KIAA0513: variants seen among roughly 807,000 people sequenced by gnomAD.
KIAA0513 encodes KIAA0513, also known as uncharacterized protein KIAA0513.
KIAA0513 carries 39 observed loss-of-function variants against 56.5 expected under a neutral mutation model. The observed-to-expected ratio is 0.69, with a 90% CI of 0.53 to 0.90. The LOEUF (loss-of-function observed/expected upper bound fraction) is 0.90. Ranked by LOEUF, KIAA0513 falls within the 40% of genes least tolerant of loss-of-function variation. KIAA0513 has a pLI of 0.00. For missense variants in KIAA0513, 591 were observed against 535.2 expected, an observed-to-expected ratio of 1.10 and a Z score of -1.03; for synonymous variants, 268 against 215.6, an observed-to-expected ratio of 1.24 and a Z score of -2.13.
Position 85,081,286 on chromosome 16 carries a change from G to C in KIAA0513, c.903-29G>C. 1 of 1,610,180 alleles carries C rather than the reference G, an allele frequency of 6.2e-7. No individual in the cohort carries two copies. The highest frequency in any genetic ancestry group is 8.5e-7 in the Non-Finnish European group (1 of 1,176,808). The stretch of plus-strand genomic sequence containing the variant: ...CGTGTCCTCCCCGCCTCCCCTTGGA[G>C]AGAGTGTGACTGGGGCTCTGTCTTG... On this transcript the variant is annotated intron_variant, in intron 8 of 12. Coordinates refer to ENST00000683363, the MANE Select transcript of KIAA0513 (RefSeq NM_001388359.1). The surrounding 1 kb of genome is among the most constrained non-coding windows in gnomAD (Gnocchi z 4.4).
chr16:85,032,735 A>C (rs956459393), intron 1 of KIAA0513, among the ~76,000 whole-genome samples: 10 of 152,110 alleles, frequency 6.6e-5, no homozygotes, highest in African/African-American at 2.4e-4. Flanking sequence ...GGTTCACACC[A>C]TCCTCCTGCC....
In KIAA0513 at chr16:85,071,879, C is replaced by CCTTACCTGGGCACT; in HGVS notation, c.427_428insTTACCTGGGCACTC (p.Gln143LeufsTer45). The CCTTACCTGGGCACT allele has an allele frequency of 6.2e-7, 1 of 1,602,332 alleles. No homozygotes were observed. The highest frequency in any genetic ancestry group is 8.5e-7 in the Non-Finnish European group (1 of 1,170,182). Reference sequence around the variant, plus strand: ...AGTGGTTTGCTCGATACGTGAGTGCCCAGGTAAGGGCGAGGTGATGGGAAG... The same window carrying CCTTACCTGGGCACT: ...AGTGGTTTGCTCGATACGTGAGTGCCCTTACCTGGGCACTCAGGTAAGGGCGAGGTGATGGGAAG... On this transcript the variant is annotated frameshift_variant, in exon 3 of 13. Coordinates refer to ENST00000683363, the MANE Select transcript of KIAA0513 (RefSeq NM_001388359.1).
At chr16:85,060,841 C>CT (rs1567532887) in intron 1 of KIAA0513, among the ~76,000 whole-genome samples, 1 of 129,828 alleles carries the variant, frequency 7.7e-6, no homozygotes, top group Non-Finnish European at 1.5e-5. Flanking sequence ...GTGAACCTAT[C>CT]TAAAAAAAAA....
At chr16:85,068,917 G>T (rs1200183574) in intron 2 of KIAA0513, among the ~76,000 whole-genome samples, 1 of 152,124 alleles carries the variant, frequency 6.6e-6, no homozygotes, top group African/African-American at 2.4e-5. Context: ...ACTCCCTAGC[G>T]CTCCTTGTCA....
At chr16:85,048,652 G>A (rs1014532148) in intron 1 of KIAA0513, among the ~76,000 whole-genome samples, 1 of 152,230 alleles carries the variant, frequency 6.6e-6, no homozygotes, top group Non-Finnish European at 1.5e-5. Context: ...GCTGAGGTGG[G>A]AGAGTTGCCT....
At chr16:85,066,478 C>T (rs144135430) in intron 1 of KIAA0513, among the ~76,000 whole-genome samples, 1 of 152,262 alleles carries the variant, frequency 6.6e-6, no homozygotes, top group African/African-American at 2.4e-5. Context: ...GGTCAGAGCT[C>T]AGGAGGTGAG....
In KIAA0513 at chr16:85,028,265, C is replaced by T. The variant is rs573540947; in HGVS notation, c.-173+407C>T. Among the ~76,000 whole-genome samples the T allele has an allele frequency of 7.9e-5, 12 of 152,258 alleles. No individual in the cohort carries two copies. The East Asian group carries it at 2.3e-3, about 30-fold the overall frequency. ...CCCAGTCTTGGGGGAAGAAGAAACC[C>T]CGGACTCCTGCAAGGGCATTCTGGG... On this transcript the variant is annotated intron_variant, in intron 1 of 12. Transcript: ENST00000683363.
intron 1 of KIAA0513, among the ~76,000 whole-genome samples, chr16:85,040,214 AT>A (rs750244874): frequency 6.6e-5 from 10 of 152,282 alleles, no homozygotes; most frequent in African/African-American, 9.6e-5. Context: ...TAGATCAGGA[AT>A]TTTCAACTGG....
At chr16:85,074,273 C>G (rs952248353) in intron 4 of KIAA0513, among the ~76,000 whole-genome samples, 20 of 151,610 alleles carry the variant, frequency 1.3e-4, no homozygotes, top group African/African-American at 4.4e-4. Flanking sequence ...CCACACCTGG[C>G]CATATTCCAT....
At chr16:85,072,183 C>A (rs189097759) in intron 3 of KIAA0513, among the ~76,000 whole-genome samples, 1 of 152,034 alleles carries the variant, frequency 6.6e-6, no homozygotes, top group Non-Finnish European at 1.5e-5. Flanking sequence ...TGAGGTCCCC[C>A]CTCCCCGCAT....
intron 6 of KIAA0513, among the ~76,000 whole-genome samples, chr16:85,077,930 C>T (rs529857662): frequency 6.6e-6 from 1 of 152,348 alleles, no homozygotes; most frequent in African/African-American, 2.4e-5. Context: ...TCCCCTCCAT[C>T]CCCTGGCTGG....
At chr16:85,050,325 ATATTTATTTATT>A (rs72102302) in intron 1 of KIAA0513, among the ~76,000 whole-genome samples, 4 of 122,884 alleles carry the variant, frequency 3.3e-5, no homozygotes, top group Admixed American at 7.6e-5. Context: ...CTGTTGATTG[ATATTTATTTATT>A]TATTTATTTA....
At chr16:85,083,213 G>A (rs2073768896) in intron 10 of KIAA0513, among the ~76,000 whole-genome samples, 1 of 152,194 alleles carries the variant, frequency 6.6e-6, no homozygotes, top group Non-Finnish European at 1.5e-5. Context: ...GCTGTTTCCT[G>A]CCAGCCCACA....
intron 2 of KIAA0513, among the ~76,000 whole-genome samples, chr16:85,070,184 GAAA>G (rs1437023486): frequency 2.7e-5 from 4 of 146,176 alleles, no homozygotes; most frequent in East Asian, 2.0e-4. Context: ...AAAAAAAAAA[GAAA>G]AAAGAAAGAA....
rs1441210844 is a variant in KIAA0513 at position 85,093,090 on chromosome 16, G to T, written c.*4765G>T. 6.6e-6 allele frequency: 1 copy of T among 152,472 alleles called. No individual in the cohort carries two copies. Among genetic ancestry groups the T allele is most frequent in the African/African-American group, 2.4e-5 (1 of 41,468 alleles). The allele number at this position is 152,472 out of a possible 1,614,324, so 9.4% of individuals were successfully genotyped here. On this transcript the variant is annotated 3_prime_UTR_variant, in exon 13 of 13. Coordinates refer to ENST00000683363, the MANE Select transcript of KIAA0513 (RefSeq NM_001388359.1). ...TGGGCTCGCAAGGATGGGTGCCGCC[G>T]TGGGAGCCCTGCCTCTGGTGCTGGC...
intron 4 of KIAA0513, among the ~76,000 whole-genome samples, chr16:85,074,872 C>CT (rs1376145098): frequency 1.7e-4 from 26 of 151,926 alleles, no homozygotes; most frequent in Non-Finnish European, 3.5e-4. Flanking sequence ...TTCTTTCTTT[C>CT]TTTTTTTTAA....
At chr16:85,074,341 CAT>C (rs202233197) in intron 4 of KIAA0513, among the ~76,000 whole-genome samples, 209 of 122,620 alleles carry the variant, frequency 1.7e-3, no homozygotes, top group Middle Eastern at 0.012. Flanking sequence ...TATATACACA[CAT>C]ACACACACAC....
chr16:85,082,434 C>T (rs1242071423), intron 9 of KIAA0513, 130 bp from the exon 10 acceptor site: 4 of 831,318 alleles, frequency 4.8e-6, no homozygotes, highest in East Asian at 2.6e-5. Context: ...TTCGAATATT[C>T]CTGTCTTTCT....
intron 10 of KIAA0513, among the ~76,000 whole-genome samples, chr16:85,085,732 G>A (rs1269515082): frequency 6.6e-6 from 1 of 152,186 alleles, no homozygotes; most frequent in African/African-American, 2.4e-5. Context: ...GACAGGTGAG[G>A]GATTAACAGC....
Sources: gnomAD v4.1 joint callset for allele counts (sites outside exome capture counted in the v4.1 genomes callset) on GRCh38, gnomAD v4.1.1 for gene constraint, Gnocchi (gnomAD v3.1) non-coding constraint, MANE v1.5 for transcripts, NCBI Gene and HGNC (gene_info 2026-07-23, HGNC 2026-07-21) for gene names.